Variants in DST observed in about 807,000 individuals in gnomAD.
DST encodes the protein bullous pemphigoid antigen.
Under a neutral mutation model 875.2 loss-of-function variants are expected in DST, and 253 were observed. That is an observed-to-expected ratio of 0.29 (90% CI 0.26 to 0.32). The LOEUF (loss-of-function observed/expected upper bound fraction) is 0.32. DST is among the 10% of genes least tolerant of loss of function. DST has a pLI of 1.00. For missense variants in DST, 8,287 were observed against 9,111.6 expected (o/e 0.91, Z 3.68); for synonymous variants, 3,124 against 3,197.1 (o/e 0.98, Z 0.77).
chr6:56,789,488 T>C (rs2099711298), intron 4 of DST, among the ~76,000 whole-genome samples: 1 of 152,238 alleles, frequency 6.6e-6, no homozygotes, highest in Non-Finnish European at 1.5e-5. Flanking sequence ...TAACCATTTC[T>C]AAGTATAGTT....
rs565198782 is a variant in DST at position 56,943,011 on chromosome 6, A to G, written c.216+10774T>C. Among the ~76,000 whole-genome samples, 4 of 152,098 alleles carry G rather than the reference A, an allele frequency of 2.6e-5. No homozygotes were observed. In the South Asian group the frequency reaches 8.3e-4, roughly 32 times the overall value. ...GCTGGGATTACAGGCATGAGCTACC[A>G]TATCCGGTCCAATATTTGCCATTTC... On this transcript the variant is annotated intron_variant, in intron 2 of 103. Coordinates refer to ENST00000680361, the MANE Select transcript of DST (RefSeq NM_001374736.1).
rs138207148 is a variant in DST, at chr6:56,704,516, T to TA, written c.688-148dup. The TA allele has an allele frequency of 2.3e-3, 1,165 of 512,494 alleles. 12 individuals carry two copies. Among genetic ancestry groups the TA allele is most frequent in the African/African-American group, 0.022 (1,081 of 49,242 alleles). The allele number at this position is 512,494 out of a possible 1,614,324, so 31.7% of individuals were successfully genotyped here. ...TTAAATTTTTAAAATGCTTATTACT[T>TA]AAAAACTAAATTTAATTTAAAAACT... On this transcript the variant is annotated intron_variant, in intron 5 of 103. Coordinates refer to ENST00000680361, the MANE Select transcript of DST (RefSeq NM_001374736.1).
chr6:56,682,348 T>C (rs2099161027), intron 9 of DST, among the ~76,000 whole-genome samples: 1 of 152,114 alleles, frequency 6.6e-6, no homozygotes, highest in African/African-American at 2.4e-5. Flanking sequence ...TATTTTACCT[T>C]TTCACTTCAC....
At chr6:56,812,653 A>T (rs1487171384) in intron 4 of DST, among the ~76,000 whole-genome samples, 3 of 152,242 alleles carry the variant, frequency 2.0e-5, no homozygotes, top group Non-Finnish European at 4.4e-5. Context: ...CTGCCATAAA[A>T]CACTGGAATA....
chr6:56,774,621 T>A (rs2099674265), intron 4 of DST, among the ~76,000 whole-genome samples: 2 of 152,176 alleles, frequency 1.3e-5, no homozygotes, highest in Non-Finnish European at 2.9e-5. Context: ...CAAAACTGAA[T>A]TCAGTTCACT....
chr6:56,902,573 C>T (rs61289564), intron 2 of DST, among the ~76,000 whole-genome samples: 2,891 of 152,312 alleles, frequency 0.019, 94 homozygotes, highest in African/African-American at 0.065. Context: ...CAACAGAAAT[C>T]GGTAAGGAGA....
intron 36 of DST, chr6:56,615,579 T>C: frequency 6.2e-7 from 1 of 1,614,172 alleles, no homozygotes; most frequent in Admixed American, 1.7e-5. Flanking sequence ...TCTAACAGTT[T>C]AAGTCCTGTG....
At chr6:56,474,940 C>T (rs965315743) in intron 92 of DST, among the ~76,000 whole-genome samples, 1 of 106,264 alleles carries the variant, frequency 9.4e-6, no homozygotes, top group Non-Finnish European at 1.7e-5. Flanking sequence ...GCCTGGGCAA[C>T]AGAGTGAGAC....
At chr6:56,752,260 CA>C (rs940010143) in intron 4 of DST, among the ~76,000 whole-genome samples, 2 of 151,638 alleles carry the variant, frequency 1.3e-5, no homozygotes, top group African/African-American at 4.8e-5. Flanking sequence ...CCAGAATTTG[CA>C]AAACTGCATG....
chr6:56,811,089 T>C (rs1015040643), intron 4 of DST, among the ~76,000 whole-genome samples: 5 of 138,304 alleles, frequency 3.6e-5, no homozygotes, highest in African/African-American at 1.1e-4. Flanking sequence ...GAGGCTGAGG[T>C]GGGAGGATCA....
chr6:56,721,855 C>A (rs2099417847), intron 5 of DST, among the ~76,000 whole-genome samples: 3 of 152,086 alleles, frequency 2.0e-5, no homozygotes, highest in Admixed American at 6.6e-5. Context: ...AAAACTTTCC[C>A]TTAAATATAT....
intron 2 of DST, among the ~76,000 whole-genome samples, chr6:56,931,766 A>C (rs1193636616): frequency 1.3e-5 from 2 of 152,156 alleles, no homozygotes; most frequent in Non-Finnish European, 2.9e-5. Context: ...GGGCCTTTGT[A>C]ACCACTTTGT....
At chr6:56,911,005 C>T (rs1330497001) in intron 2 of DST, among the ~76,000 whole-genome samples, 1 of 152,078 alleles carries the variant, frequency 6.6e-6, no homozygotes, top group African/African-American at 2.4e-5. Flanking sequence ...CAAACATTCC[C>T]TTCTTAAACA....
Position 56,506,433 on chromosome 6 carries a change from A to G in DST, c.19464+10T>C, listed in dbSNP as rs1037067072. ...AGCTAAGACCAGCACATACACTGTA[A>G]TCCCCTTACCTGCAGTCCATCCTGG... On this transcript the variant is annotated intron_variant, in intron 77 of 103. Coordinates refer to ENST00000680361, the MANE Select transcript of DST (RefSeq NM_001374736.1). 1.9e-6 allele frequency: 3 copies of G among 1,605,786 alleles called. No individual in the cohort carries two copies. Among genetic ancestry groups the G allele is most frequent in the East Asian group, 4.5e-5 (2 of 44,784 alleles).
intron 5 of DST, among the ~76,000 whole-genome samples, chr6:56,721,105 C>T (rs1354479083): frequency 2.0e-5 from 3 of 149,644 alleles, no homozygotes; most frequent in East Asian, 2.0e-4. Context: ...CGGGCGGGGG[C>T]GCCCCCCCAC....
intron 4 of DST, among the ~76,000 whole-genome samples, chr6:56,833,175 T>G (rs1421873544): frequency 6.6e-6 from 1 of 152,196 alleles, no homozygotes; most frequent in Non-Finnish European, 1.5e-5. Flanking sequence ...TTCTAAACAT[T>G]TAGGAACTAC....
chr6:56,778,461 C>T (rs1037923228), intron 4 of DST, among the ~76,000 whole-genome samples: 2 of 150,348 alleles, frequency 1.3e-5, no homozygotes, highest in African/African-American at 2.5e-5. Context: ...TATACATATG[C>T]CATGTTGGTA....
At chr6:56,902,469 G>A (rs1245684435) in intron 2 of DST, among the ~76,000 whole-genome samples, 3 of 152,222 alleles carry the variant, frequency 2.0e-5, no homozygotes, top group South Asian at 4.1e-4. Flanking sequence ...GTCCAATTAT[G>A]GAGAGCCTGT....
intron 2 of DST, among the ~76,000 whole-genome samples, chr6:56,922,098 A>T (rs1050962872): frequency 6.6e-6 from 1 of 152,090 alleles, no homozygotes; most frequent in Non-Finnish European, 1.5e-5. Context: ...TGACTATTAA[A>T]ATCTCTGTTT....
Sources: allele counts gnomAD v4.1 joint callset (sites outside exome capture counted in the v4.1 genomes callset), GRCh38; gene constraint gnomAD v4.1.1; transcripts MANE v1.5; gene names NCBI Gene and HGNC (gene_info 2026-07-23, HGNC 2026-07-21).